GULP1: variants seen among roughly 807,000 people sequenced by gnomAD.
The protein encoded by GULP1 is PTB domain-containing engulfment adapter protein 1.
GULP1 carries 19 observed loss-of-function variants against 40.9 expected under a neutral mutation model. The ratio of observed to expected loss-of-function variants is 0.46; its 90% CI spans 0.32 to 0.68. The LOEUF (loss-of-function observed/expected upper bound fraction) is 0.68, where lower values mean the gene tolerates loss of function less well. GULP1 is among the 30% of genes least tolerant of loss of function. The probability of loss-of-function intolerance (pLI) is 0.03; values close to 1 mark genes in which losing one functional copy is unlikely to be tolerated. For synonymous variants in GULP1, 119 were observed against 117.6 expected, an observed-to-expected ratio of 1.01 and a Z score of -0.08; for missense variants, 312 against 362.2, an observed-to-expected ratio of 0.86 and a Z score of 1.12.
rs183280918 is a variant in GULP1, at chr2:188,579,514, A to G, written c.610-4751A>G. Among the ~76,000 whole-genome samples, 133 of 152,242 alleles carry G rather than the reference A, an allele frequency of 8.7e-4. 1 individual carries two copies. In the East Asian group the frequency reaches 0.025, roughly 29 times the overall value. On this transcript the variant is annotated intron_variant, in intron 9 of 11. Transcript: ENST00000409830. ...AATTGCAATATCCATCACCTCAAACATTTATCTTTTCTTTGTGTTGGGAAC... is the reference window on the plus strand; with the variant it reads ...AATTGCAATATCCATCACCTCAAACGTTTATCTTTTCTTTGTGTTGGGAAC...
At chr2:188,516,678 G>A (rs186135935) in intron 4 of GULP1, among the ~76,000 whole-genome samples, 127 of 152,180 alleles carry the variant, frequency 8.3e-4, no homozygotes, top group Admixed American at 2.2e-3. Flanking sequence ...AAATCTGATT[G>A]CTGGGCCTCA....
At chr2:188,393,513 T>A (rs1016787142) in intron 2 of GULP1, among the ~76,000 whole-genome samples, 1 of 152,080 alleles carries the variant, frequency 6.6e-6, no homozygotes, top group East Asian at 1.9e-4. Flanking sequence ...TGGTTTGTGA[T>A]TTTTTATTCA....
chr2:188,440,787 A>G lies in GULP1; in HGVS notation c.-44-36872A>G, dbSNP rs1429201408. On this transcript the variant is annotated intron_variant, in intron 2 of 11. Coordinates refer to ENST00000409830, the MANE Select transcript of GULP1 (RefSeq NM_016315.4). ...TGAAAGTGGAACCATAATATACTTA[A>G]TTCCTCAATACTTTACTATGTGGAA... Among the ~76,000 whole-genome samples, 11 of 152,326 alleles carry G rather than the reference A, an allele frequency of 7.2e-5. No homozygotes were observed. In the South Asian group the frequency reaches 2.3e-3, roughly 32 times the overall value.
At chr2:188,353,877 C>T (rs927604435) in intron 1 of GULP1, among the ~76,000 whole-genome samples, 5 of 151,866 alleles carry the variant, frequency 3.3e-5, no homozygotes, top group Admixed American at 3.3e-4. Context: ...ATAATGCCTC[C>T]CAGGGAACTG....
intron 2 of GULP1, among the ~76,000 whole-genome samples, chr2:188,417,451 C>T (rs921532029): frequency 1.3e-5 from 2 of 152,030 alleles, no homozygotes; most frequent in Non-Finnish European, 2.9e-5. Flanking sequence ...AACATTTTTT[C>T]CCAAGGCTAA....
chr2:188,470,331 A>G (rs1055984506), intron 2 of GULP1, among the ~76,000 whole-genome samples: 23 of 152,218 alleles, frequency 1.5e-4, no homozygotes, highest in Non-Finnish European at 2.6e-4. Context: ...GATTTTTCTA[A>G]TTTATTGGCT....
chr2:188,582,597 T>C (rs985075755), intron 9 of GULP1: 1 of 448,964 alleles, frequency 2.2e-6, no homozygotes, highest in Non-Finnish European at 4.6e-6. Context: ...TCTTTTTTAT[T>C]ATCCCACTTA....
intron 1 of GULP1, among the ~76,000 whole-genome samples, chr2:188,382,973 G>A (rs1476994846): frequency 6.6e-5 from 10 of 152,138 alleles, no homozygotes; most frequent in Non-Finnish European, 1.3e-4. Context: ...CATCATCAAT[G>A]TCTGTATCAA....
chr2:188,404,410 CA>C (rs2152671608), intron 2 of GULP1, among the ~76,000 whole-genome samples: 1 of 152,282 alleles, frequency 6.6e-6, no homozygotes, highest in Non-Finnish European at 1.5e-5. Flanking sequence ...TCCCCAACCC[CA>C]GCCCTCTTGG....
At chr2:188,483,946 T>C (rs2061641935) in intron 4 of GULP1, among the ~76,000 whole-genome samples, 1 of 152,148 alleles carries the variant, frequency 6.6e-6, no homozygotes, top group Non-Finnish European at 1.5e-5. Context: ...TTTATTGAGA[T>C]GAAGATGTGC....
chr2:188,309,557 T>C (rs2037719843), intron 1 of GULP1, among the ~76,000 whole-genome samples: 1 of 152,160 alleles, frequency 6.6e-6, no homozygotes, highest in African/African-American at 2.4e-5. Flanking sequence ...TGGATCAAGA[T>C]TGATTATGCA....
chr2:188,299,155 T>G (rs1436344188), intron 1 of GULP1, among the ~76,000 whole-genome samples: 1 of 140,024 alleles, frequency 7.1e-6, no homozygotes, highest in Admixed American at 7.0e-5. Flanking sequence ...CAAGGATGAC[T>G]AAGGACAGAG....
chr2:188,341,862 G>A (rs2043015248), intron 1 of GULP1, among the ~76,000 whole-genome samples: 1 of 152,008 alleles, frequency 6.6e-6, no homozygotes, highest in African/African-American at 2.4e-5. Flanking sequence ...ATAGAACTAA[G>A]AATAGAAATT....
At chr2:188,396,729 C>T (rs558684117) in intron 2 of GULP1, among the ~76,000 whole-genome samples, 5 of 152,290 alleles carry the variant, frequency 3.3e-5, no homozygotes, top group East Asian at 3.9e-4. Context: ...AATTTGTCCC[C>T]GCTCGAGATT....
chr2:188,406,038 A>G (rs2053044823), intron 2 of GULP1, among the ~76,000 whole-genome samples: 1 of 152,238 alleles, frequency 6.6e-6, no homozygotes, highest in Non-Finnish European at 1.5e-5. Flanking sequence ...TTTCTGAAAA[A>G]TGTTCACTGT....
chr2:188,562,921 C>T (rs1404215662), intron 7 of GULP1, among the ~76,000 whole-genome samples: 1 of 151,784 alleles, frequency 6.6e-6, no homozygotes, highest in Non-Finnish European at 1.5e-5. Flanking sequence ...AGAATTAAAA[C>T]ACCCTTTATA....
At chr2:188,519,220 A>G (rs1338728023) in intron 4 of GULP1, among the ~76,000 whole-genome samples, 1 of 152,192 alleles carries the variant, frequency 6.6e-6, no homozygotes, top group Non-Finnish European at 1.5e-5. Context: ...CCAGTGTTGC[A>G]TTACACAAAG....
rs150119137 is a variant in GULP1, at chr2:188,364,752, CATATACAT to C, written c.-171-18994_-171-18987del. Among the ~76,000 whole-genome samples the C allele has an allele frequency of 2.8e-4, 41 of 148,208 alleles. No homozygotes were observed. The East Asian group carries it at 6.5e-3, about 24-fold the overall frequency. ...CATATACATATCTATATATATGATA[CATATACAT>C]ATATACATATATACATGATATATAT... On this transcript the variant is annotated intron_variant, in intron 1 of 11. Transcript: ENST00000409830.
chr2:188,535,918 GTTT>G (rs1049475478), intron 6 of GULP1, among the ~76,000 whole-genome samples: 1 of 151,818 alleles, frequency 6.6e-6, no homozygotes, highest in African/African-American at 2.4e-5. Context: ...TCTCTTTGTG[GTTT>G]TTATTTGAAT....
Sources: gnomAD v4.1 joint callset for allele counts (sites outside exome capture counted in the v4.1 genomes callset) on GRCh38, gnomAD v4.1.1 for gene constraint, MANE v1.5 for transcripts, NCBI Gene and HGNC (gene_info 2026-07-23, HGNC 2026-07-21) for gene names.